The following ZNF563 variants were observed in gnomAD, a reference collection of about 807,000 sequenced individuals.
ZNF563 encodes zinc finger protein 563.
Under a neutral mutation model 48.5 loss-of-function variants are expected in ZNF563, and 39 were observed. The ratio of observed to expected loss-of-function variants is 0.80; its 90% CI spans 0.62 to 1.05. The LOEUF (loss-of-function observed/expected upper bound fraction) is 1.05, where lower values mean the gene tolerates loss of function less well. Ranked by LOEUF, ZNF563 falls within the 50% of genes least tolerant of loss-of-function variation. The pLI is 0.00. For synonymous variants in ZNF563, 168 were observed against 187.9 expected (o/e 0.89, Z 0.87); for missense variants, 538 against 597.0 (o/e 0.90, Z 1.03).
At chr19:12,343,837 T>C in the ZNF563 span, among the ~76,000 whole-genome samples, 1 of 151,312 alleles carries the variant, frequency 6.6e-6, no homozygotes, top group African/African-American at 2.4e-5. Flanking sequence ...TTCACGCCAT[T>C]CTTCTGCCTC....
At chr19:12,333,442 C>G (rs1379046076) in intron 1 of ZNF563, 38 bp downstream of exon 1, 1 of 1,612,924 alleles carries the variant, frequency 6.2e-7, no homozygotes, top group Non-Finnish European at 8.5e-7. Flanking sequence ...CCAACCAGCT[C>G]TTTCCCACTT....
intron 1 of ZNF563, among the ~76,000 whole-genome samples, chr19:12,328,213 A>T (rs914315885): frequency 6.6e-6 from 1 of 152,262 alleles, no homozygotes; most frequent in South Asian, 2.1e-4. Flanking sequence ...CAGGCCAGGC[A>T]TGGTGGCTCA....
At position 12,318,640 on chromosome 19, in the gene ZNF563, C is replaced by G. The variant is rs757306486; in HGVS notation, c.1385G>C (p.Ser462Thr). The G allele has an allele frequency of 4.3e-6, 7 of 1,614,108 alleles. No individual in the cohort carries two copies. In the South Asian group the frequency reaches 7.7e-5, roughly 18 times the overall value. Residue 462 changes from serine (S) to threonine (T), a missense_variant, in exon 4 of 4, where the codon AGT becomes ACT. Coordinates refer to ENST00000293725, the MANE Select transcript of ZNF563 (RefSeq NM_145276.3). ...AGTCTTTTCATGTCTTTGACATACA[C>G]TGGGATAAACAAAGGCTTTCCCACA... Reference protein sequence around the residue: ...KVCGKAFVYPSVCQRHEKTHW... With the variant: ...KVCGKAFVYPTVCQRHEKTHW...
the ZNF563 span, among the ~76,000 whole-genome samples, chr19:12,344,502 T>G: frequency 6.6e-6 from 1 of 152,080 alleles, no homozygotes; most frequent in South Asian, 2.1e-4. Context: ...AAAAATAATT[T>G]GACAAAATTA....
In ZNF563 at chr19:12,333,557, C is replaced by T. The variant is rs371543993; in HGVS notation, c.-75G>A. 2.8e-5 allele frequency: 44 copies of T among 1,596,510 alleles called. No homozygotes were observed. The South Asian group carries it at 4.8e-4, about 17-fold the overall frequency. ...AGTGCGGGTCCCACTGTGACAGAGG[C>T]TGCCACAGACGTTCCAGGGCGTCTC... is the stretch of plus-strand genomic sequence containing the variant. On this transcript the variant is annotated 5_prime_UTR_variant, in exon 1 of 4. Coordinates refer to ENST00000293725, the MANE Select transcript of ZNF563 (RefSeq NM_145276.3).
At chr19:12,332,109 T>G (rs186670814) in intron 1 of ZNF563, among the ~76,000 whole-genome samples, 54 of 151,538 alleles carry the variant, frequency 3.6e-4, no homozygotes, top group African/African-American at 1.3e-3. Context: ...GGACAAAGAG[T>G]TCATTATGTT....
rs545655102 is a variant in ZNF563, at chr19:12,322,771, C to A, written c.4-60G>T. ...GAGTGACAGTACTGAAAAAACTATA[C>A]TCAGTTCATAAACTTCATATGATGC... On this transcript the variant is annotated intron_variant, in intron 1 of 3. Transcript: ENST00000293725. The A allele has an allele frequency of 1.0e-4, 152 of 1,488,230 alleles. No individual in the cohort carries two copies. The East Asian group carries it at 3.5e-3, about 35-fold the overall frequency. The allele number at this position is 1,488,230 out of a possible 1,614,324, so 92.2% of individuals were successfully genotyped here. A position where few individuals can be genotyped will look rare whatever the true frequency, so the allele number is the denominator to read the frequency against.
intron 1 of ZNF563, among the ~76,000 whole-genome samples, chr19:12,329,606 C>T (rs1193537137): frequency 6.6e-6 from 1 of 151,940 alleles, no homozygotes; most frequent in Non-Finnish European, 1.5e-5. Context: ...ACCCTATGGA[C>T]ATTAAGAGTG....
chr19:12,335,015 T>A (rs6511786), upstream of ZNF563, among the ~76,000 whole-genome samples: 4 of 151,916 alleles, frequency 2.6e-5, no homozygotes, highest in African/African-American at 9.7e-5. Flanking sequence ...CGTGGAGGCG[T>A]GCGCAGGCTG....
In ZNF563 at chr19:12,319,521, G is replaced by A; in HGVS notation, c.504C>T (p.Arg168=). The A allele has an allele frequency of 6.2e-7, 1 of 1,614,132 alleles. No homozygotes were observed. The highest frequency in any genetic ancestry group is 1.1e-5 in the South Asian group (1 of 91,086). The change falls in exon 4 of 4, where the codon CGC becomes CGT. Residue 168 remains arginine (R), a synonymous_variant. Coordinates refer to ENST00000293725, the MANE Select transcript of ZNF563 (RefSeq NM_145276.3). ...SRGRPHTGKK[R]YECKECGKTF... ...TTTTTCCACATTCCTTACACTCATAGCGTTTCTTTCCAGTGTGAGGCCTTC... is the reference window on the plus strand; with the variant it reads ...TTTTTCCACATTCCTTACACTCATAACGTTTCTTTCCAGTGTGAGGCCTTC...
the ZNF563 span, among the ~76,000 whole-genome samples, chr19:12,342,800 A>G: frequency 6.6e-6 from 1 of 151,762 alleles, no homozygotes; most frequent in Non-Finnish European, 1.5e-5. Context: ...AAAAAGGAAA[A>G]GAAAAAGAGA....
chr19:12,318,117 C>T lies in ZNF563; in HGVS notation c.*477G>A, dbSNP rs1968481050. 5.9e-6 allele frequency: 1 copy of T among 170,650 alleles called. No individual in the cohort carries two copies. The highest frequency in any genetic ancestry group is 1.4e-4 in the South Asian group (1 of 7,046). 10.6% of individuals were successfully genotyped at this position (170,650 alleles called of 1,614,324 possible). Reference sequence around the variant, plus strand: ...CCTTGGGCTCAAGAGATCTTCCCACCTCAGCCTCCCAAGTAGCTGGGACTA... The same window carrying T: ...CCTTGGGCTCAAGAGATCTTCCCACTTCAGCCTCCCAAGTAGCTGGGACTA... On this transcript the variant is annotated 3_prime_UTR_variant, in exon 4 of 4. Coordinates refer to ENST00000293725, the MANE Select transcript of ZNF563 (RefSeq NM_145276.3).
chr19:12,318,575 G>T lies in ZNF563; in HGVS notation c.*19C>A. The T allele has an allele frequency of 6.3e-7, 1 of 1,598,588 alleles. No homozygotes were observed. Among genetic ancestry groups the T allele is most frequent in the Non-Finnish European group, 8.5e-7 (1 of 1,172,096 alleles). On this transcript the variant is annotated 3_prime_UTR_variant, in exon 4 of 4. Coordinates refer to ENST00000293725, the MANE Select transcript of ZNF563 (RefSeq NM_145276.3). ...TCAAAGGGAACTGGAAATATAGAAG[G>T]CTTTATAATAGTTTACATTCATATT... is the stretch of plus-strand genomic sequence containing the variant.
At chr19:12,341,368 CA>C in the ZNF563 span, among the ~76,000 whole-genome samples, 10 of 152,114 alleles carry the variant, frequency 6.6e-5, no homozygotes, top group African/African-American at 2.4e-4. Flanking sequence ...GCTTTCTTAT[CA>C]TTGATTACTT....
In ZNF563 at chr19:12,319,508, C is replaced by G. The variant is rs757126632; in HGVS notation, c.517G>C (p.Glu173Gln). 3.1e-6 allele frequency: 5 copies of G among 1,614,172 alleles called. No individual in the cohort carries two copies. The South Asian group carries it at 5.5e-5, about 18-fold the overall frequency. The part of the protein sequence containing the change: ...HTGKKRYECK[E>Q]CGKTFSSRRN... ...CGAGAACTGAAGGTTTTTCCACATT[C>G]CTTACACTCATAGCGTTTCTTTCCA... Residue 173 changes from glutamate to glutamine, a missense_variant, in exon 4 of 4, where the codon GAA becomes CAA. By Grantham distance (29) the Glu-to-Gln change is conservative. Transcript: ENST00000293725.
chr19:12,319,966 G>C lies in ZNF563; in HGVS notation c.192-133C>G, dbSNP rs1599567496. ...GAGTCTTGCTCTGTCACCCAGGCTA[G>C]AGTGCAGCGGCACGATCTCGGCTCA... On this transcript the variant is annotated intron_variant, in intron 3 of 3. Transcript: ENST00000293725. The C allele has an allele frequency of 3.7e-6, 3 of 804,852 alleles. No individual in the cohort carries two copies. The East Asian group carries it at 8.3e-5, about 22-fold the overall frequency. 49.9% of individuals were successfully genotyped at this position (804,852 alleles called of 1,614,324 possible).
chr19:12,323,673 C>A (rs1968696442), intron 1 of ZNF563, among the ~76,000 whole-genome samples: 1 of 152,184 alleles, frequency 6.6e-6, no homozygotes, highest in Admixed American at 6.5e-5. Flanking sequence ...TCAGATTATT[C>A]TTAAGCAACA....
Position 12,318,719 on chromosome 19 carries a change from A to G in ZNF563, c.1306T>C (p.Phe436Leu). ...GTATGCATTACCATATGTCTTCGAA[A>G]GCTTGAGCTATGAGATAACGCTTTC... ...CGKALSHSSSFRRHMVMHTGD... is the reference protein window; with the variant it reads ...CGKALSHSSSLRRHMVMHTGD... Residue 436 changes from phenylalanine (F) to leucine (L), a missense_variant, in exon 4 of 4, where the codon TTT (phenylalanine) becomes CTT (leucine). Phe to Leu is a conservative substitution (Grantham distance 22, BLOSUM62 0). Coordinates refer to ENST00000293725, the MANE Select transcript of ZNF563 (RefSeq NM_145276.3). The G allele has an allele frequency of 6.2e-7, 1 of 1,614,232 alleles. No homozygotes were observed. Among genetic ancestry groups the G allele is most frequent in the Non-Finnish European group, 8.5e-7 (1 of 1,180,042 alleles).
the ZNF563 span, among the ~76,000 whole-genome samples, chr19:12,339,470 G>A: frequency 6.6e-6 from 1 of 151,668 alleles, no homozygotes; most frequent in African/African-American, 2.4e-5. Context: ...AGTAGAGGCG[G>A]GGTTTTACCA....
Sources: allele counts gnomAD v4.1 joint callset (sites outside exome capture counted in the v4.1 genomes callset), GRCh38; gene constraint gnomAD v4.1.1; transcripts MANE v1.5; gene names NCBI Gene and HGNC (gene_info 2026-07-23, HGNC 2026-07-21).